PALLD: variants seen among roughly 807,000 people sequenced by gnomAD.
PALLD encodes palladin, cytoskeletal associated protein, also known as palladin.
PALLD carries 61 observed loss-of-function variants against 123.5 expected under a neutral mutation model. The ratio of observed to expected loss-of-function variants is 0.49; its 90% confidence interval spans 0.40 to 0.61. The LOEUF (loss-of-function observed/expected upper bound fraction) is 0.61, where lower values mean the gene tolerates loss of function less well. PALLD is among the 20% of genes least tolerant of loss of function. PALLD has a pLI of 0.00. For synonymous variants in PALLD, 465 were observed against 496.4 expected (o/e 0.94, Z 0.84); for missense variants, 1,273 against 1,377.0 (o/e 0.92, Z 1.20).
chr4:168,682,525 G>A (rs183795942), intron 4 of PALLD, among the ~76,000 whole-genome samples: 6 of 152,056 alleles, frequency 3.9e-5, no homozygotes, highest in African/African-American at 9.6e-5. Flanking sequence ...CCAAGATACC[G>A]ACAACAAAAT....
intron 1 of PALLD, among the ~76,000 whole-genome samples, chr4:168,508,232 A>C (rs1762194931): frequency 6.6e-6 from 1 of 152,190 alleles, no homozygotes; most frequent in South Asian, 2.1e-4. Flanking sequence ...ACGTATTGAA[A>C]CATCACTAGG....
intron 13 of PALLD, 122 bp downstream of exon 13, chr4:168,896,721 G>A (rs1464155397): frequency 1.6e-6 from 1 of 640,140 alleles, no homozygotes; most frequent in Non-Finnish European, 2.7e-6. Context: ...GCTATGACCA[G>A]TGTCTGTTTC....
intron 10 of PALLD, among the ~76,000 whole-genome samples, chr4:168,713,468 G>GTA (rs752211985): frequency 1.2e-4 from 18 of 152,202 alleles, no homozygotes; most frequent in Admixed American, 3.3e-4. Context: ...TCTTGATTAA[G>GTA]TAAAGTCTAT....
At chr4:168,518,485 T>TC (rs1209009027) in intron 2 of PALLD, among the ~76,000 whole-genome samples, 2 of 152,128 alleles carry the variant, frequency 1.3e-5, no homozygotes, top group African/African-American at 4.8e-5. Context: ...CTCTTGCCAC[T>TC]CCCCCAGTCA....
chr4:168,559,010 A>G (rs1400291951), intron 2 of PALLD, among the ~76,000 whole-genome samples: 4 of 152,234 alleles, frequency 2.6e-5, no homozygotes, highest in Admixed American at 6.5e-5. Context: ...TAGATTATCC[A>G]TATGATTTGA....
At chr4:168,672,705 G>A (rs193149826) in intron 3 of PALLD, among the ~76,000 whole-genome samples, 8 of 152,172 alleles carry the variant, frequency 5.3e-5, no homozygotes, top group Non-Finnish European at 8.8e-5. Flanking sequence ...TCATCCACCC[G>A]CCTCGGCCTC....
intron 10 of PALLD, among the ~76,000 whole-genome samples, chr4:168,793,608 G>A (rs547829236): frequency 1.3e-5 from 2 of 151,950 alleles, no homozygotes; most frequent in Non-Finnish European, 2.9e-5. Flanking sequence ...TTTAAGCATC[G>A]GTTTCCCCAT....
chr4:168,693,449 TG>T (rs1782842092), intron 8 of PALLD, among the ~76,000 whole-genome samples: 1 of 152,224 alleles, frequency 6.6e-6, no homozygotes, highest in African/African-American at 2.4e-5. Context: ...TTTGCTTTAA[TG>T]TAGCAAAATC....
chr4:168,672,500 C>A (rs1367357199), intron 3 of PALLD, among the ~76,000 whole-genome samples: 1 of 152,014 alleles, frequency 6.6e-6, no homozygotes, highest in Middle Eastern at 3.4e-3. Flanking sequence ...GCTCTGTCAC[C>A]CAGGCTGGAG....
chr4:168,901,394 C>T (rs1029880489), intron 14 of PALLD, among the ~76,000 whole-genome samples: 15 of 152,130 alleles, frequency 9.9e-5, no homozygotes, highest in East Asian at 3.9e-4. Context: ...TCCATTAGTA[C>T]GCTTGGTAAA....
At chr4:168,895,807 G>T (rs1354988000) in intron 12 of PALLD, among the ~76,000 whole-genome samples, 1 of 152,176 alleles carries the variant, frequency 6.6e-6, no homozygotes, top group Non-Finnish European at 1.5e-5. Flanking sequence ...AAATAAAATA[G>T]AAAATATTAT....
intron 2 of PALLD, among the ~76,000 whole-genome samples, chr4:168,611,131 G>T (rs985039737): frequency 1.3e-5 from 2 of 152,174 alleles, no homozygotes; most frequent in Non-Finnish European, 2.9e-5. Flanking sequence ...GCCCTTCCTG[G>T]TTTGGACCTA....
At chr4:168,749,233 C>T (rs186320873) in intron 10 of PALLD, among the ~76,000 whole-genome samples, 1 of 152,274 alleles carries the variant, frequency 6.6e-6, no homozygotes, top group East Asian at 1.9e-4. Flanking sequence ...GAGGTCTCCT[C>T]AGAAGCTGAG....
intron 2 of PALLD, among the ~76,000 whole-genome samples, chr4:168,565,473 C>A (rs917195533): frequency 1.3e-5 from 2 of 152,066 alleles, no homozygotes; most frequent in Non-Finnish European, 2.9e-5. Flanking sequence ...GAAAACCAAA[C>A]CTGGAGGTAA....
In PALLD at chr4:168,668,268, G is replaced by T. The variant is rs1254027436; in HGVS notation, c.987G>T (p.Leu329=). ...GTGAGGGAGGGGACCTCCATACCCT[G>T]ATCATAGCAGAGGCCTTTGAGGACG... ...IHCEGGDLHT[L]IIAEAFEDDT... is the part of the protein sequence containing the mutation. The change falls in exon 3 of 22, where the codon CTG becomes CTT. Residue 329 remains leucine (L), a synonymous_variant. Transcript: ENST00000505667. The T allele has an allele frequency of 3.1e-6, 5 of 1,614,044 alleles. No individual in the cohort carries two copies. The highest frequency in any genetic ancestry group is 4.2e-6 in the Non-Finnish European group (5 of 1,180,002).
intron 2 of PALLD, among the ~76,000 whole-genome samples, chr4:168,624,705 T>C (rs1775072580): frequency 6.6e-6 from 1 of 152,182 alleles, no homozygotes; most frequent in Non-Finnish European, 1.5e-5. Context: ...AATTGGGAAA[T>C]ATTTATAAAC....
At chr4:168,835,454 G>A (rs962641751) in intron 10 of PALLD, among the ~76,000 whole-genome samples, 1 of 152,140 alleles carries the variant, frequency 6.6e-6, no homozygotes, top group African/African-American at 2.4e-5. Context: ...AATGGAACTC[G>A]ACCAGATTTG....
chr4:168,563,812 C>T (rs1768095734), intron 2 of PALLD, among the ~76,000 whole-genome samples: 1 of 152,112 alleles, frequency 6.6e-6, no homozygotes, highest in Admixed American at 6.5e-5. Flanking sequence ...CTACTAATGA[C>T]CAAGAATTGT....
intron 10 of PALLD, among the ~76,000 whole-genome samples, chr4:168,791,870 A>G (rs1276966414): frequency 6.6e-6 from 1 of 152,178 alleles, no homozygotes; most frequent in East Asian, 1.9e-4. Context: ...ATGTCTCCAA[A>G]TAAGTACTTC....
Sources: allele counts gnomAD v4.1 joint callset (sites outside exome capture counted in the v4.1 genomes callset), GRCh38; gene constraint gnomAD v4.1.1; transcripts MANE v1.5; gene names NCBI Gene and HGNC (gene_info 2026-07-23, HGNC 2026-07-21).